SLC26A4: variants seen among roughly 807,000 people sequenced by gnomAD.
SLC26A4 encodes pendrin.
A neutral mutation model predicts 90.4 loss-of-function variants in SLC26A4; 93 were observed. The ratio of observed to expected loss-of-function variants is 1.03; its 90% CI spans 0.87 to 1.22. The LOEUF (loss-of-function observed/expected upper bound fraction) is 1.22. SLC26A4 is among the 50% of genes most tolerant of loss of function. The pLI, the probability that SLC26A4 is intolerant of heterozygous loss-of-function variation, is 0.00. For synonymous variants in SLC26A4, 393 were observed against 354.6 expected (o/e 1.11, Z -1.22); for missense variants, 1,127 against 946.2 (o/e 1.19, Z -2.51).
intron 20 of SLC26A4, among the ~76,000 whole-genome samples, chr7:107,714,794 T>G (rs1476498292): frequency 6.6e-6 from 1 of 152,136 alleles, no homozygotes; most frequent in African/African-American, 2.4e-5. Context: ...CATATTAGTA[T>G]CTTCATGTAA....
chr7:107,664,027 A>G (rs1252989947), intron 3 of SLC26A4, among the ~76,000 whole-genome samples: 2 of 152,198 alleles, frequency 1.3e-5, no homozygotes, highest in East Asian at 3.8e-4. Context: ...GAAATGTGTA[A>G]AGAGTTTCAA....
At chr7:107,695,581 T>C (rs1335433561) in intron 12 of SLC26A4, among the ~76,000 whole-genome samples, 1 of 152,110 alleles carries the variant, frequency 6.6e-6, no homozygotes, top group Non-Finnish European at 1.5e-5. Flanking sequence ...GGCAGGAGGA[T>C]CACTTGAGCT....
chr7:107,680,817 G>A (rs1429212943), intron 6 of SLC26A4, among the ~76,000 whole-genome samples: 1 of 152,098 alleles, frequency 6.6e-6, no homozygotes, highest in Non-Finnish European at 1.5e-5. Context: ...GTGTGATTGG[G>A]ATAATGATTC....
intron 6 of SLC26A4, among the ~76,000 whole-genome samples, chr7:107,682,177 A>G (rs1333718133): frequency 6.6e-6 from 1 of 151,416 alleles, no homozygotes; most frequent in Non-Finnish European, 1.5e-5. Context: ...AAAATTAAGT[A>G]CCAAATTTAT....
At chr7:107,710,923 G>A (rs774648648) in intron 19 of SLC26A4, among the ~76,000 whole-genome samples, 10 of 152,140 alleles carry the variant, frequency 6.6e-5, no homozygotes, top group Non-Finnish European at 1.5e-4. Flanking sequence ...TATAATAACA[G>A]TAATGATTCC....
In SLC26A4 at chr7:107,716,838, A is replaced by G. The variant is rs1315350235; in HGVS notation, c.*1392A>G. 6.6e-6 allele frequency: 1 copy of G among 152,160 alleles called. No individual in the cohort carries two copies. Among genetic ancestry groups the G allele is most frequent in the Non-Finnish European group, 1.5e-5 (1 of 68,030 alleles). 9.4% of individuals were successfully genotyped at this position (152,160 alleles called of 1,614,324 possible). On this transcript the variant is annotated 3_prime_UTR_variant, in exon 21 of 21. Coordinates refer to ENST00000644269, the MANE Select transcript of SLC26A4 (RefSeq NM_000441.2). ...ATTTACCAAAATTTGTGCACACTCA[A>G]GTCCTGCAGTCACCCCTGCCTAAAG... is the stretch of plus-strand genomic sequence containing the variant.
At chr7:107,677,959 G>A (rs966048263) in intron 6 of SLC26A4, among the ~76,000 whole-genome samples, 4 of 151,934 alleles carry the variant, frequency 2.6e-5, no homozygotes, top group African/African-American at 7.3e-5. Context: ...TTTTATTTTG[G>A]TAGAGACAGG....
At chr7:107,688,299 C>T (rs1394863084) in intron 8 of SLC26A4, among the ~76,000 whole-genome samples, 7 of 152,192 alleles carry the variant, frequency 4.6e-5, no homozygotes, top group East Asian at 1.9e-4. Context: ...TGATGTAGGT[C>T]GGGGAGACCT....
chr7:107,696,719 G>A (rs867359302), intron 13 of SLC26A4, among the ~76,000 whole-genome samples: 8 of 152,198 alleles, frequency 5.3e-5, no homozygotes, highest in Admixed American at 2.6e-4. Flanking sequence ...AAAACAGCCT[G>A]TGAGGGAAGG....
intron 5 of SLC26A4, 60 bp downstream of exon 5, chr7:107,674,408 A>G: frequency 8.0e-7 from 1 of 1,253,852 alleles, no homozygotes; most frequent in Non-Finnish European, 1.2e-6. Flanking sequence ...TTAACTTTAA[A>G]GCATATAGAC....
At chr7:107,681,435 G>T (rs1791227418) in intron 6 of SLC26A4, among the ~76,000 whole-genome samples, 4 of 152,100 alleles carry the variant, frequency 2.6e-5, no homozygotes, top group Non-Finnish European at 1.5e-5. Context: ...ATTGTCACCA[G>T]ATTATCATTA....
Position 107,716,377 on chromosome 7 carries a change from A to C in SLC26A4, c.*931A>C, listed in dbSNP as rs1286048743. On this transcript the variant is annotated 3_prime_UTR_variant, in exon 21 of 21. Coordinates refer to ENST00000644269, the MANE Select transcript of SLC26A4 (RefSeq NM_000441.2). The stretch of plus-strand genomic sequence containing the variant: ...AAAATGAGTTTATATTTTTTCTCAA[A>C]AATTTTAGCAGTGTGTAAAGTAAGT... 1 of 152,134 alleles carries C rather than the reference A, an allele frequency of 6.6e-6. No homozygotes were observed. The highest frequency in any genetic ancestry group is 1.5e-5 in the Non-Finnish European group (1 of 68,016). 9.4% of individuals were successfully genotyped at this position (152,134 alleles called of 1,614,324 possible).
intron 8 of SLC26A4, among the ~76,000 whole-genome samples, chr7:107,687,358 G>A (rs1458600268): frequency 6.6e-6 from 1 of 152,178 alleles, no homozygotes; most frequent in East Asian, 1.9e-4. Context: ...TTGGTTTGGG[G>A]CAAATAATTG....
Position 107,696,030 on chromosome 7 carries a change from G to C in SLC26A4, c.1535G>C (p.Arg512Thr), listed in dbSNP as rs1478871487. The C allele has an allele frequency of 6.3e-7, 1 of 1,587,738 alleles. No individual in the cohort carries two copies. Among genetic ancestry groups the C allele is most frequent in the African/African-American group, 1.3e-5 (1 of 74,408 alleles). ...TTTGGACTGTTGACTGTGGTCCTGAGAGTTCAGTTGTGAGTAACGTAAAAC... is the reference window on the plus strand; with the variant it reads ...TTTGGACTGTTGACTGTGGTCCTGACAGTTCAGTTGTGAGTAACGTAAAAC... ...LIFGLLTVVL[R>T]VQFPSWNGLG... The change falls in exon 13 of 21, where the codon AGA becomes ACA. Residue 512 changes from arginine to threonine, a missense_variant. Arg to Thr is a moderately conservative substitution (Grantham distance 71). Coordinates refer to ENST00000644269, the MANE Select transcript of SLC26A4 (RefSeq NM_000441.2).
chr7:107,688,306 A>T (rs1248900615), intron 8 of SLC26A4, among the ~76,000 whole-genome samples: 2 of 152,094 alleles, frequency 1.3e-5, no homozygotes, highest in African/African-American at 4.8e-5. Flanking sequence ...GGTCGGGGAG[A>T]CCTTTCATGG....
At chr7:107,693,969 G>A (rs1231685369) in intron 10 of SLC26A4, among the ~76,000 whole-genome samples, 2 of 152,178 alleles carry the variant, frequency 1.3e-5, no homozygotes, top group Non-Finnish European at 2.9e-5. Flanking sequence ...CTTCAATAAT[G>A]CAGAAAAATC....
chr7:107,664,283 G>A (rs956959928), intron 3 of SLC26A4, among the ~76,000 whole-genome samples: 3 of 152,100 alleles, frequency 2.0e-5, no homozygotes, highest in African/African-American at 7.2e-5. Flanking sequence ...AGGCTGGTGT[G>A]CAGTGGCACG....
chr7:107,683,538 G>A lies in SLC26A4; in HGVS notation c.1001+1G>A, dbSNP rs80338849. ...GCATTGTTAAATCCATCCCAAGGGG[G>A]TGAGTGTGGTGTTCCTCTTAGTACT... is the stretch of plus-strand genomic sequence containing the variant. On this transcript the variant is annotated splice_donor_variant, in intron 8 of 20. Transcript: ENST00000644269. LOFTEE classifies it high-confidence loss of function. 2.8e-4 allele frequency: 454 copies of A among 1,612,484 alleles called. No individual in the cohort carries two copies. The highest frequency in any genetic ancestry group is 3.6e-4 in the Non-Finnish European group (428 of 1,178,802).
At position 107,683,203 on chromosome 7, in the gene SLC26A4, C is replaced by T. The variant is rs375279030; in HGVS notation, c.767C>T (p.Thr256Met). Residue 256 changes from threonine to methionine, a missense_variant and splice_region_variant, in exon 7 of 21, where the codon ACG (threonine) becomes ATG (methionine). Thr to Met is a moderately conservative substitution (Grantham distance 81). Coordinates refer to ENST00000644269, the MANE Select transcript of SLC26A4 (RefSeq NM_000441.2). The stretch of plus-strand genomic sequence containing the variant: ...TATAAAATTATTTTCTTTTTATAGA[C>T]GCTGGTTGAGATTTTTCAAAATATT... ...NYNGVLSIIY[T>M]LVEIFQNIGD... 43 of 1,610,494 alleles carry T rather than the reference C, an allele frequency of 2.7e-5. No homozygotes were observed. The highest frequency in any genetic ancestry group is 4.0e-5 in the African/African-American group (3 of 74,820).
Sources: allele counts gnomAD v4.1 joint callset (sites outside exome capture counted in the v4.1 genomes callset), GRCh38; gene constraint gnomAD v4.1.1; transcripts MANE v1.5; gene names NCBI Gene and HGNC (gene_info 2026-07-23, HGNC 2026-07-21).